The following MECOM variants were observed in gnomAD, a reference collection of about 807,000 sequenced individuals.
MECOM encodes the protein histone-lysine N-methyltransferase MECOM.
Under a neutral mutation model 116.3 loss-of-function variants are expected in MECOM, and 13 were observed. The ratio of observed to expected loss-of-function variants is 0.11; its 90% confidence interval spans 0.07 to 0.18. The LOEUF is 0.18. Ranked by LOEUF, MECOM falls within the 10% of genes least tolerant of loss-of-function variation. The pLI, the probability that MECOM is intolerant of heterozygous loss-of-function variation, is 1.00. For synonymous variants in MECOM, 528 were observed against 535.2 expected (o/e 0.99, Z 0.19); for missense variants, 1,299 against 1,509.0 (o/e 0.86, Z 2.31).
At chr3:169,394,327 G>A (rs950940039) in intron 1 of MECOM, among the ~76,000 whole-genome samples, 4 of 152,162 alleles carry the variant, frequency 2.6e-5, no homozygotes, top group African/African-American at 9.7e-5. Context: ...TAAGGCAAAT[G>A]CCCAGGAGGA....
intron 1 of MECOM, among the ~76,000 whole-genome samples, chr3:169,471,284 A>C (rs189255710): frequency 1.3e-5 from 2 of 151,270 alleles, no homozygotes; most frequent in East Asian, 3.9e-4. Context: ...GAGCCACCAC[A>C]CCCAGCCTCA....
intron 2 of MECOM, among the ~76,000 whole-genome samples, chr3:169,379,816 T>C (rs1732098757): frequency 6.6e-6 from 1 of 152,160 alleles, no homozygotes; most frequent in African/African-American, 2.4e-5. Context: ...AGGTGAACAA[T>C]AATGACGTAA....
intron 9 of MECOM, 24 bp from the exon 10 acceptor site, chr3:169,107,976 AC>A: frequency 6.2e-7 from 1 of 1,608,558 alleles, no homozygotes; most frequent in Non-Finnish European, 8.5e-7. Context: ...TGAAACAAAA[AC>A]AAAAAATTAC....
intron 6 of MECOM, among the ~76,000 whole-genome samples, chr3:169,121,835 G>A (rs748116950): frequency 1.4e-4 from 21 of 151,674 alleles, no homozygotes; most frequent in Non-Finnish European, 2.6e-4. Flanking sequence ...CATAGAACAA[G>A]GTAATCACAG....
At chr3:169,469,930 G>C (rs1345274102) in intron 1 of MECOM, among the ~76,000 whole-genome samples, 1 of 152,144 alleles carries the variant, frequency 6.6e-6, no homozygotes, top group Non-Finnish European at 1.5e-5. Context: ...CCCCCAACCA[G>C]AGAACGTGGT....
intron 2 of MECOM, among the ~76,000 whole-genome samples, chr3:169,378,507 AAGAAAGAAAAGAAAGAAAG>A (rs1158069099): frequency 5.3e-4 from 16 of 30,098 alleles, no homozygotes; most frequent in South Asian, 9.6e-4. Context: ...GAAAGAAAGA[AAGAAAGAAAAGAAAGAAAG>A]AAAGAAAGAA....
At chr3:169,097,391 T>C (rs774744975) in intron 12 of MECOM, among the ~76,000 whole-genome samples, 2 of 152,042 alleles carry the variant, frequency 1.3e-5, no homozygotes, top group East Asian at 1.9e-4. Context: ...ACAATTCCAA[T>C]AAGAGCCTAA....
chr3:169,254,918 A>G (rs1756681771), intron 2 of MECOM, among the ~76,000 whole-genome samples: 1 of 152,074 alleles, frequency 6.6e-6, no homozygotes, highest in Non-Finnish European at 1.5e-5. Context: ...AACAGGATCC[A>G]TGAAGGCTCT....
chr3:169,360,751 T>C (rs767125936), intron 2 of MECOM, among the ~76,000 whole-genome samples: 1 of 151,828 alleles, frequency 6.6e-6, no homozygotes, highest in Non-Finnish European at 1.5e-5. Context: ...GTCAACATCT[T>C]GTTAATGGGC....
chr3:169,122,563 C>G lies in MECOM; in HGVS notation c.978+17G>C, dbSNP rs750723518. ...GGATGACATAGAGAGGCCAAGTAGC[C>G]TACAAATTCACTGTACCTTGGCACA... On this transcript the variant is annotated intron_variant, in intron 6 of 16. Transcript: ENST00000651503. 2 of 1,613,736 alleles carry G rather than the reference C, an allele frequency of 1.2e-6. No homozygotes were observed. Among genetic ancestry groups the G allele is most frequent in the Non-Finnish European group, 1.7e-6 (2 of 1,179,746 alleles).
chr3:169,591,597 G>T (rs1158205054), intron 1 of MECOM, among the ~76,000 whole-genome samples: 2 of 152,164 alleles, frequency 1.3e-5, no homozygotes, highest in Non-Finnish European at 2.9e-5. Flanking sequence ...CCCACACTCT[G>T]TCTGCTATGT....
intron 2 of MECOM, among the ~76,000 whole-genome samples, chr3:169,179,425 T>C (rs1745644407): frequency 6.6e-6 from 1 of 151,204 alleles, no homozygotes; most frequent in Admixed American, 6.6e-5. Context: ...GGAATGATAG[T>C]TTCCAACCCA....
intron 2 of MECOM, among the ~76,000 whole-genome samples, chr3:169,344,691 T>C (rs2071575516): frequency 6.6e-6 from 1 of 152,210 alleles, no homozygotes; most frequent in African/African-American, 2.4e-5. Flanking sequence ...CCACTCAGCA[T>C]AATCTATGAG....
intron 1 of MECOM, among the ~76,000 whole-genome samples, chr3:169,588,529 A>G (rs146498282): frequency 2.9e-3 from 437 of 152,344 alleles, no homozygotes; most frequent in Non-Finnish European, 4.6e-3. Context: ...TTATGTGGAA[A>G]TAAAGTACAT....
chr3:169,097,512 G>T (rs913048172), intron 12 of MECOM, among the ~76,000 whole-genome samples: 3 of 152,094 alleles, frequency 2.0e-5, no homozygotes, highest in Non-Finnish European at 4.4e-5. Context: ...TTGAGATCAT[G>T]ATGTAAAATA....
At chr3:169,431,742 G>A (rs1019941712) in intron 1 of MECOM, among the ~76,000 whole-genome samples, 3 of 152,158 alleles carry the variant, frequency 2.0e-5, no homozygotes, top group Non-Finnish European at 2.9e-5. Context: ...CCTGTTTGGG[G>A]TTCTCAATTC....
At chr3:169,312,542 G>A (rs1208851116) in intron 2 of MECOM, among the ~76,000 whole-genome samples, 1 of 151,948 alleles carries the variant, frequency 6.6e-6, no homozygotes, top group African/African-American at 2.4e-5. Flanking sequence ...CTAATTTTTT[G>A]TATTTTTAAT....
intron 1 of MECOM, among the ~76,000 whole-genome samples, chr3:169,532,893 G>T (rs1239578545): frequency 6.6e-6 from 1 of 151,866 alleles, no homozygotes; most frequent in Non-Finnish European, 1.5e-5. Context: ...CATGGATTTT[G>T]CTTCTTAAAG....
At chr3:169,434,111 G>A (rs1218008867) in intron 1 of MECOM, among the ~76,000 whole-genome samples, 1 of 152,032 alleles carries the variant, frequency 6.6e-6, no homozygotes, top group African/African-American at 2.4e-5. Flanking sequence ...AATACCACAT[G>A]TCCTTCAATA....
Sources: gnomAD v4.1 joint callset for allele counts (sites outside exome capture counted in the v4.1 genomes callset) on GRCh38, gnomAD v4.1.1 for gene constraint, MANE v1.5 for transcripts, NCBI Gene and HGNC (gene_info 2026-07-23, HGNC 2026-07-21) for gene names.